C12orf56: variants seen among roughly 807,000 people sequenced by gnomAD.
C12orf56 encodes the protein uncharacterized protein C12orf56.
Under a neutral mutation model 69.9 loss-of-function variants are expected in C12orf56, and 71 were observed. The ratio of observed to expected loss-of-function variants is 1.02; its 90% CI spans 0.84 to 1.24. The LOEUF (loss-of-function observed/expected upper bound fraction) is 1.24. C12orf56 is among the 50% of genes most tolerant of loss of function. C12orf56 has a pLI of 0.00. For missense variants in C12orf56, 732 were observed against 738.5 expected (o/e 0.99, Z 0.10); for synonymous variants, 276 against 274.1 (o/e 1.01, Z -0.07).
chr12:64,287,414 T>C (rs1214844982), intron 6 of C12orf56, among the ~76,000 whole-genome samples: 1 of 142,904 alleles, frequency 7.0e-6, no homozygotes, highest in Non-Finnish European at 1.5e-5. Context: ...TAGTTACATA[T>C]GTATACATGT....
chr12:64,308,028 A>G (rs981178499), intron 5 of C12orf56, among the ~76,000 whole-genome samples: 1 of 150,078 alleles, frequency 6.7e-6, no homozygotes, highest in African/African-American at 2.5e-5. Context: ...AAGTAAATAA[A>G]ATATAAACGG....
intron 1 of C12orf56, among the ~76,000 whole-genome samples, chr12:64,370,531 G>A (rs923355296): frequency 4.9e-4 from 71 of 145,648 alleles, no homozygotes; most frequent in African/African-American, 1.7e-3. Context: ...CACACCTGTA[G>A]TCCCAGCTAC....
intron 1 of C12orf56, among the ~76,000 whole-genome samples, chr12:64,366,387 C>A (rs1226872527): frequency 5.6e-5 from 5 of 89,528 alleles, no homozygotes; most frequent in Non-Finnish European, 9.9e-5. Context: ...ATATAACATA[C>A]AGTTTATATA....
intron 4 of C12orf56, among the ~76,000 whole-genome samples, chr12:64,314,386 T>G (rs2136828978): frequency 6.6e-6 from 1 of 152,270 alleles, no homozygotes; most frequent in South Asian, 2.1e-4. Flanking sequence ...AGCCACTGCA[T>G]CCAACCAATA....
At chr12:64,387,511 TA>T (rs201031577) in intron 1 of C12orf56, among the ~76,000 whole-genome samples, 7 of 150,574 alleles carry the variant, frequency 4.6e-5, no homozygotes, top group Non-Finnish European at 5.9e-5. Context: ...TTCTCACAGG[TA>T]AAAAAAAACA....
intron 6 of C12orf56, among the ~76,000 whole-genome samples, chr12:64,298,256 G>A (rs926690221): frequency 7.9e-5 from 12 of 152,080 alleles, no homozygotes; most frequent in African/African-American, 2.4e-4. Context: ...ATTTGTTTAC[G>A]TCCTTTGTAG....
At chr12:64,387,598 G>A (rs1443136990) in intron 1 of C12orf56, among the ~76,000 whole-genome samples, 1 of 152,112 alleles carries the variant, frequency 6.6e-6, no homozygotes, top group African/African-American at 2.4e-5. Context: ...CAAGGTGGGT[G>A]GATCGTTTAA....
At chr12:64,332,080 G>T (rs867034388) in intron 2 of C12orf56, among the ~76,000 whole-genome samples, 1 of 152,008 alleles carries the variant, frequency 6.6e-6, no homozygotes, top group African/African-American at 2.4e-5. Flanking sequence ...TGAAGCAGAC[G>T]GATCACTGGA....
At chr12:64,286,168 G>T (rs2038199381) in intron 6 of C12orf56, 108 bp from the exon 7 acceptor site, 1 of 718,664 alleles carries the variant, frequency 1.4e-6, no homozygotes, top group Non-Finnish European at 2.2e-6. Flanking sequence ...TTTGATTAGA[G>T]AAGTGAATTA....
chr12:64,343,713 A>T (rs1336379856), intron 2 of C12orf56, among the ~76,000 whole-genome samples: 1 of 152,222 alleles, frequency 6.6e-6, no homozygotes, highest in Admixed American at 6.5e-5. Context: ...ATGAACAGGG[A>T]TGTGGTGAGA....
rs147111309 is a variant in C12orf56, at chr12:64,300,078, G to T, written c.1113+3557C>A. On this transcript the variant is annotated intron_variant, in intron 6 of 12. Transcript: ENST00000543942. ...AGATCAAAAGGAGGAAGGTACTAAA[G>T]TTCCCCATTAGGCATGACAGGAAAG... Among the ~76,000 whole-genome samples the T allele has an allele frequency of 2.5e-4, 38 of 152,252 alleles. 1 individual carries two copies. In the East Asian group the frequency reaches 7.3e-3, roughly 29 times the overall value.
intron 1 of C12orf56, among the ~76,000 whole-genome samples, chr12:64,380,135 CA>C (rs796914776): frequency 0.049 from 2,108 of 43,298 alleles, 153 homozygotes; most frequent in African/African-American, 0.12. Flanking sequence ...AAAAAAAAAA[CA>C]AAACAAACAA....
intron 6 of C12orf56, among the ~76,000 whole-genome samples, chr12:64,293,909 CAG>C (rs1161258849): frequency 6.6e-6 from 1 of 152,182 alleles, no homozygotes; most frequent in African/African-American, 2.4e-5. Context: ...TCTGGAGTGA[CAG>C]AGACGCTCTA....
chr12:64,354,043 A>C (rs1592481067), intron 1 of C12orf56, among the ~76,000 whole-genome samples: 1 of 152,238 alleles, frequency 6.6e-6, no homozygotes, highest in East Asian at 1.9e-4. Flanking sequence ...AATTGATTTT[A>C]CACTAAGATT....
chr12:64,342,991 T>A (rs2039094511), intron 2 of C12orf56, among the ~76,000 whole-genome samples: 1 of 152,166 alleles, frequency 6.6e-6, no homozygotes, highest in Non-Finnish European at 1.5e-5. Context: ...CTTCTCCTGT[T>A]CTGGACCCCA....
chr12:64,312,876 A>G, intron 4 of C12orf56, 124 bp from the exon 5 acceptor site: 1 of 652,834 alleles, frequency 1.5e-6, no homozygotes, highest in Non-Finnish European at 2.5e-6. Context: ...TTGTTTATAA[A>G]ACTCATTCTA....
At chr12:64,318,015 A>G (rs1592448250) in intron 4 of C12orf56, among the ~76,000 whole-genome samples, 1 of 151,356 alleles carries the variant, frequency 6.6e-6, no homozygotes, top group African/African-American at 2.4e-5. Flanking sequence ...CTCCTTCTTC[A>G]TGACTTCCAT....
At chr12:64,269,139 CA>C (rs5798737) in intron 12 of C12orf56, among the ~76,000 whole-genome samples, 3 of 142,018 alleles carry the variant, frequency 2.1e-5, no homozygotes, top group Non-Finnish European at 3.0e-5. Context: ...GACCCTGTGT[CA>C]AAAAAAAAAA....
At chr12:64,376,717 T>A (rs796672083) in intron 1 of C12orf56, among the ~76,000 whole-genome samples, 5 of 152,172 alleles carry the variant, frequency 3.3e-5, no homozygotes, top group African/African-American at 1.2e-4. Flanking sequence ...TGGTATTTAG[T>A]TTTCTGTTCC....
Sources: allele counts gnomAD v4.1 joint callset (sites outside exome capture counted in the v4.1 genomes callset), GRCh38; gene constraint gnomAD v4.1.1; transcripts MANE v1.5; gene names NCBI Gene and HGNC (gene_info 2026-07-23, HGNC 2026-07-21).